Variants in TMEM50A observed in about 807,000 individuals in gnomAD.
The protein encoded by TMEM50A is transmembrane protein 50A.
Under a neutral mutation model 23.9 loss-of-function variants are expected in TMEM50A, and 8 were observed. The ratio of observed to expected loss-of-function variants is 0.33; its 90% CI spans 0.20 to 0.60. The LOEUF (loss-of-function observed/expected upper bound fraction) is 0.60, where lower values mean the gene tolerates loss of function less well. TMEM50A is among the 20% of genes least tolerant of loss of function. TMEM50A has a pLI of 0.81. For synonymous variants in TMEM50A, 55 were observed against 60.4 expected (o/e 0.91, Z 0.41); for missense variants, 178 against 192.7 (o/e 0.92, Z 0.45).
At chr1:25,359,153 A>G (rs1036002231) in intron 6 of TMEM50A, among the ~76,000 whole-genome samples, 1 of 152,200 alleles carries the variant, frequency 6.6e-6, no homozygotes, top group Non-Finnish European at 1.5e-5. Context: ...AGGCAGCCCC[A>G]TAGAGCATGC....
chr1:25,353,109 C>T (rs1336901506), intron 5 of TMEM50A, 135 bp downstream of exon 5: 8 of 642,224 alleles, frequency 1.2e-5, no homozygotes, highest in Non-Finnish European at 2.1e-5. Flanking sequence ...CGGGACCCCC[C>T]ACCCTCCACC....
chr1:25,362,355 AAACT>A lies in TMEM50A; in HGVS notation c.*1653_*1656del. 1 of 1,446,108 alleles carries A rather than the reference AAACT, an allele frequency of 6.9e-7. No homozygotes were observed. Among genetic ancestry groups the A allele is most frequent in the Non-Finnish European group, 9.4e-7 (1 of 1,059,510 alleles). The allele number at this position is 1,446,108 out of a possible 1,614,324, so 89.6% of individuals were successfully genotyped here. The stretch of plus-strand genomic sequence containing the variant: ...TTTTAAACTTATTAAATTGACTCTT[AAACT>A]AAGTTTTTAGTCTTTAATTTTTTAA... On this transcript the variant is annotated 3_prime_UTR_variant, in exon 7 of 7. Transcript: ENST00000374358.
chr1:25,352,729 A>T (rs976384281), intron 4 of TMEM50A, among the ~76,000 whole-genome samples, 153 bp from the exon 5 acceptor site: 1 of 152,138 alleles, frequency 6.6e-6, no homozygotes, highest in Non-Finnish European at 1.5e-5. Context: ...AGGTACACTG[A>T]TGAAGATGTT....
intron 5 of TMEM50A, among the ~76,000 whole-genome samples, chr1:25,354,295 T>TA (rs1645310487): frequency 6.6e-6 from 1 of 152,124 alleles, no homozygotes; most frequent in African/African-American, 2.4e-5. Context: ...TAGCCATGTG[T>TA]AATTTATTAT....
intron 2 of TMEM50A, among the ~76,000 whole-genome samples, chr1:25,341,466 T>G (rs1375128334): frequency 6.6e-6 from 1 of 152,102 alleles, no homozygotes; most frequent in Non-Finnish European, 1.5e-5. Context: ...CGCCGTGGTC[T>G]CGATCTCCTG....
At position 25,362,304 on chromosome 1, in the gene TMEM50A, AT is replaced by A; in HGVS notation, c.*1600del. ...CTGTAACCAAGAAAATATTGATAGC[AT>A]CATCCTAATGAAACTAAACATTTAT... On this transcript the variant is annotated 3_prime_UTR_variant, in exon 7 of 7. Transcript: ENST00000374358. 1.0e-6 allele frequency: 1 copy of A among 992,498 alleles called. No homozygotes were observed. The highest frequency in any genetic ancestry group is 1.5e-6 in the Non-Finnish European group (1 of 676,304). 61.5% of individuals were successfully genotyped at this position (992,498 alleles called of 1,614,324 possible).
intron 4 of TMEM50A, 47 bp downstream of exon 4, chr1:25,351,740 A>G: frequency 6.5e-7 from 1 of 1,534,000 alleles, no homozygotes; most frequent in Non-Finnish European, 8.9e-7. Flanking sequence ...TAAATCCTTA[A>G]GATGAGTATT....
intron 6 of TMEM50A, among the ~76,000 whole-genome samples, chr1:25,359,839 T>C (rs528954955): frequency 7.2e-5 from 11 of 152,286 alleles, no homozygotes; most frequent in Admixed American, 4.6e-4. Flanking sequence ...CCATCTCACA[T>C]ATTACCACCT....
intron 3 of TMEM50A, among the ~76,000 whole-genome samples, chr1:25,351,221 T>C (rs1300941705): frequency 8.6e-5 from 13 of 151,632 alleles, no homozygotes; most frequent in Admixed American, 7.2e-4. Flanking sequence ...ATGAACTCTT[T>C]ACTCAAGAAC....
intron 1 of TMEM50A, chr1:25,338,681 G>C (rs574905440): frequency 2.0e-5 from 3 of 152,220 alleles, no homozygotes; most frequent in African/African-American, 7.2e-5. Context: ...ACGGAGAGGG[G>C]ACCGCGCCCT....
chr1:25,352,887 CGCATTTG>C lies in TMEM50A; in HGVS notation c.283_289del (p.Ile95PhefsTer12). 6.2e-7 allele frequency: 1 copy of C among 1,612,432 alleles called. No homozygotes were observed. Among genetic ancestry groups the C allele is most frequent in the Non-Finnish European group, 8.5e-7 (1 of 1,179,486 alleles). On this transcript the variant is annotated frameshift_variant, in exon 5 of 7. Coordinates refer to ENST00000374358, the MANE Select transcript of TMEM50A (RefSeq NM_014313.4). LOFTEE classifies it high-confidence loss of function. ...AAAATATTATTTCTTTGAAGGTGCT[CGCATTTG>C]GCTTTTCGTTGGTTTCATGTTGGCC...
In TMEM50A at chr1:25,346,959, C is replaced by T. The variant is rs1645224615; in HGVS notation, c.206+3886C>T. Among the ~76,000 whole-genome samples the T allele has an allele frequency of 3.3e-5, 5 of 152,114 alleles. No individual in the cohort carries two copies. In the South Asian group the frequency reaches 1.0e-3, roughly 32 times the overall value. Reference sequence around the variant, plus strand: ...ACTTGAATCTGAGAGGCAGAGATTACAGTGAGCCAAGATCACGGCACTGGA... The same window carrying T: ...ACTTGAATCTGAGAGGCAGAGATTATAGTGAGCCAAGATCACGGCACTGGA... On this transcript the variant is annotated intron_variant, in intron 3 of 6. Coordinates refer to ENST00000374358, the MANE Select transcript of TMEM50A (RefSeq NM_014313.4).
At chr1:25,348,414 C>T (rs192853690) in intron 3 of TMEM50A, among the ~76,000 whole-genome samples, 3 of 152,162 alleles carry the variant, frequency 2.0e-5, no homozygotes, top group Admixed American at 6.5e-5. Context: ...AGGCCGGGCA[C>T]GGTGGCTCAC....
rs545319813 is a variant in TMEM50A at position 25,360,124 on chromosome 1, C to T, written c.429-536C>T. On this transcript the variant is annotated intron_variant, in intron 6 of 6. Transcript: ENST00000374358. The stretch of plus-strand genomic sequence containing the variant: ...CAGCACTTTGGGAGGCCGAGGTAGG[C>T]GGATCACGAGGTCAGGAGATCGAGA... 1.5e-4 allele frequency among the ~76,000 whole-genome samples: 23 copies of T among 152,164 alleles called. No homozygotes were observed. The East Asian group carries it at 3.1e-3, about 20-fold the overall frequency.
intron 6 of TMEM50A, among the ~76,000 whole-genome samples, chr1:25,358,030 C>T (rs902544640): frequency 7.3e-5 from 11 of 150,762 alleles, no homozygotes; most frequent in Non-Finnish European, 1.5e-4. Context: ...TCCCTGCAAA[C>T]TCTGCCTCCC....
chr1:25,351,181 AAGG>A (rs1339541958), intron 3 of TMEM50A, among the ~76,000 whole-genome samples: 6 of 151,396 alleles, frequency 4.0e-5, no homozygotes, highest in Non-Finnish European at 8.8e-5. Context: ...AAAAAAAAAA[AAGG>A]AGTATCTGGT....
At chr1:25,354,755 A>G (rs147671092) in intron 5 of TMEM50A, among the ~76,000 whole-genome samples, 3 of 152,210 alleles carry the variant, frequency 2.0e-5, no homozygotes, top group African/African-American at 4.8e-5. Context: ...ACATGATATT[A>G]TAAGTTAGTT....
At chr1:25,356,880 T>A (rs373347502) in intron 6 of TMEM50A, 27 bp downstream of exon 6, 16 of 1,535,534 alleles carry the variant, frequency 1.0e-5, no homozygotes, top group Non-Finnish European at 1.3e-5. Context: ...TTCTTTATGT[T>A]TGTTTGTTTT....
chr1:25,342,879 A>T, intron 2 of TMEM50A, 82 bp from the exon 3 acceptor site: 1 of 1,074,674 alleles, frequency 9.3e-7, no homozygotes, highest in Non-Finnish European at 1.4e-6. Flanking sequence ...ATTAAAAGGG[A>T]TCTCCTCACT....
Sources: allele counts gnomAD v4.1 joint callset (sites outside exome capture counted in the v4.1 genomes callset), GRCh38; gene constraint gnomAD v4.1.1; transcripts MANE v1.5; gene names NCBI Gene and HGNC (gene_info 2026-07-23, HGNC 2026-07-21).